Variants in LINGO2 observed in about 807,000 individuals in gnomAD.
LINGO2 encodes the protein leucine rich repeat and Ig domain containing 2.
A neutral mutation model predicts 30.6 loss-of-function variants in LINGO2; 14 were observed. That is an observed-to-expected ratio of 0.46 (90% CI 0.30 to 0.72). The LOEUF (loss-of-function observed/expected upper bound fraction) is 0.72, where lower values mean the gene tolerates loss of function less well. LINGO2 is among the 30% of genes least tolerant of loss of function. LINGO2 has a pLI of 0.07. For synonymous variants in LINGO2, 317 were observed against 288.5 expected (o/e 1.10, Z -1.00); for missense variants, 729 against 751.7 (o/e 0.97, Z 0.35).
the LINGO2 span, among the ~76,000 whole-genome samples, chr9:28,678,590 T>C: frequency 6.6e-6 from 1 of 152,158 alleles, no homozygotes; most frequent in Non-Finnish European, 1.5e-5. Flanking sequence ...TGTTATGCTC[T>C]AGTTTCCTTA....
chr9:28,998,476 T>C, the LINGO2 span, among the ~76,000 whole-genome samples: 2 of 152,004 alleles, frequency 1.3e-5, no homozygotes. Flanking sequence ...GCAACCTTTT[T>C]CCCCCTCATA....
intron 4 of LINGO2, among the ~76,000 whole-genome samples, chr9:28,292,683 C>T (rs1019436698): frequency 2.6e-5 from 4 of 151,710 alleles, no homozygotes; most frequent in Non-Finnish European, 4.4e-5. Flanking sequence ...AGGCTTGTCT[C>T]GAACTCCTGA....
At chr9:29,154,628 C>A in the LINGO2 span, among the ~76,000 whole-genome samples, 3 of 151,940 alleles carry the variant, frequency 2.0e-5, no homozygotes. Flanking sequence ...TTCAAGAGCC[C>A]AATTTACTAT....
intron 1 of LINGO2, among the ~76,000 whole-genome samples, chr9:28,660,667 C>T (rs10757761): frequency 0.37 from 55,840 of 151,752 alleles, 11,545 homozygotes; most frequent in African/African-American, 0.54. Flanking sequence ...AACATACTTG[C>T]TAATTCAGGA....
chr9:28,818,455 G>C, the LINGO2 span, among the ~76,000 whole-genome samples: 1 of 152,126 alleles, frequency 6.6e-6, no homozygotes, highest in Admixed American at 6.5e-5. Flanking sequence ...TACAATCTAG[G>C]CTCACTGCAA....
At chr9:28,498,222 C>A (rs1016996166) in intron 1 of LINGO2, among the ~76,000 whole-genome samples, 5 of 152,160 alleles carry the variant, frequency 3.3e-5, no homozygotes, top group African/African-American at 9.7e-5. Flanking sequence ...GAGGTTTCTG[C>A]GGCCTTTTGT....
chr9:28,028,396 G>A (rs1280968254), intron 4 of LINGO2, among the ~76,000 whole-genome samples: 3 of 152,246 alleles, frequency 2.0e-5, no homozygotes, highest in East Asian at 1.9e-4. Context: ...ATGATGAGCT[G>A]GTAGGATATT....
chr9:29,080,057 G>A, the LINGO2 span, among the ~76,000 whole-genome samples: 19 of 152,118 alleles, frequency 1.2e-4, no homozygotes, highest in Non-Finnish European at 2.6e-4. Flanking sequence ...TTTCATAGCT[G>A]GGAATCCATC....
At chr9:28,230,998 A>G (rs74370558) in intron 4 of LINGO2, among the ~76,000 whole-genome samples, 4,460 of 152,034 alleles carry the variant, frequency 0.029, 231 homozygotes, top group African/African-American at 0.1. Flanking sequence ...AATCTCAGCT[A>G]TGACCACTAT....
chr9:28,570,608 C>CAAA (rs5897307), intron 1 of LINGO2, among the ~76,000 whole-genome samples: 1,550 of 142,880 alleles, frequency 0.011, 5 homozygotes, highest in Middle Eastern at 0.022. Context: ...AAACAGTTTG[C>CAAA]AAAAAAAAAA....
At chr9:29,082,461 A>T in the LINGO2 span, among the ~76,000 whole-genome samples, 10 of 152,072 alleles carry the variant, frequency 6.6e-5, no homozygotes, top group Non-Finnish European at 1.2e-4. Flanking sequence ...ACGTTAGACC[A>T]AAAACCATAA....
chr9:28,273,654 T>A (rs982504996), intron 4 of LINGO2, among the ~76,000 whole-genome samples: 4 of 152,168 alleles, frequency 2.6e-5, no homozygotes, highest in African/African-American at 9.7e-5. Flanking sequence ...GATTAATGCT[T>A]CTATCAGAGG....
At chr9:28,284,739 T>C (rs1454053470) in intron 4 of LINGO2, among the ~76,000 whole-genome samples, 1 of 152,308 alleles carries the variant, frequency 6.6e-6, no homozygotes, top group East Asian at 1.9e-4. Context: ...TGTAAAGATA[T>C]ATGTTAACAT....
At chr9:28,021,744 C>G (rs1005153615) in intron 4 of LINGO2, among the ~76,000 whole-genome samples, 24 of 151,994 alleles carry the variant, frequency 1.6e-4, no homozygotes, top group African/African-American at 5.6e-4. Context: ...TGCTCTTTAT[C>G]CCAGATAATT....
chr9:28,993,321 A>C, the LINGO2 span, among the ~76,000 whole-genome samples: 78,161 of 151,964 alleles, frequency 0.51, 21,220 homozygotes, highest in Non-Finnish European at 0.6. Context: ...ACCAGGAAAA[A>C]GTTGAATCTC....
the LINGO2 span, among the ~76,000 whole-genome samples, chr9:28,691,867 T>G: frequency 1.8e-4 from 27 of 152,118 alleles, no homozygotes; most frequent in Non-Finnish European, 3.8e-4. Context: ...TACATAAATA[T>G]AGCAATTTCT....
chr9:28,883,509 C>T, the LINGO2 span, among the ~76,000 whole-genome samples: 1 of 151,230 alleles, frequency 6.6e-6, no homozygotes, highest in Non-Finnish European at 1.5e-5. Context: ...CTCATTTCCC[C>T]CACTCAAACC....
chr9:27,963,653 CTA>C (rs1263962180), intron 5 of LINGO2, among the ~76,000 whole-genome samples: 1 of 149,674 alleles, frequency 6.7e-6, no homozygotes, highest in Non-Finnish European at 1.5e-5. Flanking sequence ...TTCTGACAAT[CTA>C]TAAGACTTTT....
the LINGO2 span, among the ~76,000 whole-genome samples, chr9:29,058,527 G>A: frequency 6.6e-6 from 1 of 151,966 alleles, no homozygotes; most frequent in South Asian, 2.1e-4. Context: ...AAGGGGTGAG[G>A]TGGTTAGAAA....
Sources: gnomAD v4.1 joint callset for allele counts (sites outside exome capture counted in the v4.1 genomes callset) on GRCh38, gnomAD v4.1.1 for gene constraint, MANE v1.5 for transcripts, NCBI Gene and HGNC (gene_info 2026-07-23, HGNC 2026-07-21) for gene names.